CDK14: variants seen among roughly 807,000 people sequenced by gnomAD.
The protein encoded by CDK14 is cyclin-dependent kinase 14.
In CDK14, 34 loss-of-function variants were observed where a neutral mutation model predicts 60.7. The ratio of observed to expected loss-of-function variants is 0.56; its 90% CI spans 0.43 to 0.75. The LOEUF is 0.75. Ranked by LOEUF, CDK14 falls within the 30% of genes least tolerant of loss-of-function variation. CDK14 has a pLI of 0.00. For missense variants in CDK14, 482 were observed against 564.1 expected (o/e 0.85, Z 1.47); for synonymous variants, 197 against 203.7 (o/e 0.97, Z 0.28).
intron 4 of CDK14, among the ~76,000 whole-genome samples, chr7:90,788,835 G>A (rs1289589575): frequency 6.6e-6 from 1 of 152,188 alleles, no homozygotes; most frequent in African/African-American, 2.4e-5. Context: ...AACCTCTAGA[G>A]ATTTTTGGTA....
chr7:91,144,357 T>C (rs1800559166), intron 14 of CDK14, among the ~76,000 whole-genome samples: 1 of 152,260 alleles, frequency 6.6e-6, no homozygotes, highest in Non-Finnish European at 1.5e-5. Flanking sequence ...ACAGTTGGTC[T>C]GAAAACATTT....
chr7:90,741,910 T>C (rs989863044), intron 3 of CDK14, among the ~76,000 whole-genome samples: 7 of 152,132 alleles, frequency 4.6e-5, no homozygotes, highest in Non-Finnish European at 8.8e-5. Context: ...TTTTAAAAAT[T>C]GTTTTTCAGG....
intron 8 of CDK14, among the ~76,000 whole-genome samples, chr7:90,932,606 G>T (rs1477056918): frequency 6.6e-6 from 1 of 152,200 alleles, no homozygotes; most frequent in African/African-American, 2.4e-5. Flanking sequence ...TGGAACATAA[G>T]TTGGGGAAAT....
intron 12 of CDK14, among the ~76,000 whole-genome samples, chr7:91,089,964 G>A (rs1394734297): frequency 6.6e-6 from 1 of 152,126 alleles, no homozygotes; most frequent in African/African-American, 2.4e-5. Context: ...GTAGTCAAGT[G>A]GGACTTTACC....
At chr7:91,015,521 G>GTTTTTTTTTTTTTTTT (rs10710645) in intron 10 of CDK14, among the ~76,000 whole-genome samples, 2 of 77,662 alleles carry the variant, frequency 2.6e-5, no homozygotes, top group Non-Finnish European at 4.7e-5. Flanking sequence ...TATGTCTTGG[G>GTTTTTTTTTTTTTTTT]TTTTTTTTTT....
intron 8 of CDK14, among the ~76,000 whole-genome samples, chr7:90,947,042 C>T (rs1378113415): frequency 6.6e-6 from 1 of 152,182 alleles, no homozygotes; most frequent in Non-Finnish European, 1.5e-5. Flanking sequence ...CTTGAAGTTT[C>T]CTGAGCTTTT....
At chr7:91,172,654 T>G (rs1801561447) in intron 14 of CDK14, among the ~76,000 whole-genome samples, 1 of 152,148 alleles carries the variant, frequency 6.6e-6, no homozygotes, top group Non-Finnish European at 1.5e-5. Context: ...TAAAACCCAC[T>G]CTGTGTTCCC....
chr7:90,765,602 GTT>G (rs71104490), intron 4 of CDK14, among the ~76,000 whole-genome samples: 1 of 146,514 alleles, frequency 6.8e-6, no homozygotes, highest in African/African-American at 2.5e-5. Flanking sequence ...AACTAGGAAG[GTT>G]TTTTTTTTTT....
At position 90,954,998 on chromosome 7, in the gene CDK14, A is replaced by T. The variant is rs915663861; in HGVS notation, c.827-699A>T. Among the ~76,000 whole-genome samples, 4 of 151,754 alleles carry T rather than the reference A, an allele frequency of 2.6e-5. No homozygotes were observed. The South Asian group carries it at 8.3e-4, about 31-fold the overall frequency. On this transcript the variant is annotated intron_variant, in intron 8 of 14. Transcript: ENST00000380050. Reference sequence around the variant, plus strand: ...CTGTGCATGAGTATTTATGGTTATGAGGTCAAATTGCGTATACCTTTTCAC... The same window carrying T: ...CTGTGCATGAGTATTTATGGTTATGTGGTCAAATTGCGTATACCTTTTCAC...
chr7:91,019,846 C>G (rs1796391411), intron 10 of CDK14, among the ~76,000 whole-genome samples: 1 of 152,140 alleles, frequency 6.6e-6, no homozygotes, highest in African/African-American at 2.4e-5. Flanking sequence ...AGGCCTCTGG[C>G]AGAACAGAAA....
intron 2 of CDK14, chr7:90,709,643 A>AT: frequency 6.2e-7 from 1 of 1,606,110 alleles, no homozygotes; most frequent in Non-Finnish European, 8.5e-7. Flanking sequence ...AAAAAATTAG[A>AT]TTTTTTGGAG....
intron 2 of CDK14, among the ~76,000 whole-genome samples, chr7:90,685,394 T>C (rs1442214175): frequency 6.6e-6 from 1 of 152,180 alleles, no homozygotes; most frequent in African/African-American, 2.4e-5. Context: ...CAGTTAGTCT[T>C]CCAGTAAACA....
intron 2 of CDK14, among the ~76,000 whole-genome samples, chr7:90,622,923 C>CT (rs1245736325): frequency 0.17 from 22,253 of 130,216 alleles, 1,888 homozygotes; most frequent in Middle Eastern, 0.28. Context: ...CTTTTTTTTT[C>CT]TTTTTTTTTT....
At chr7:90,993,818 A>G (rs1795604630) in intron 10 of CDK14, among the ~76,000 whole-genome samples, 2 of 152,088 alleles carry the variant, frequency 1.3e-5, no homozygotes, top group Non-Finnish European at 2.9e-5. Context: ...GTGATTTGTG[A>G]TAGTTTATTT....
intron 9 of CDK14, among the ~76,000 whole-genome samples, chr7:90,963,083 A>G (rs975607129): frequency 5.8e-5 from 3 of 51,546 alleles, no homozygotes; most frequent in African/African-American, 7.8e-5. Flanking sequence ...TTCTCATCTT[A>G]AGAGTGTGTG....
At chr7:90,709,629 G>C (rs764160880) in intron 2 of CDK14, 1 of 1,591,464 alleles carries the variant, frequency 6.3e-7, no homozygotes, top group Non-Finnish European at 8.6e-7. Context: ...ATCGTGTTTG[G>C]AAAAAAAAAT....
intron 2 of CDK14, among the ~76,000 whole-genome samples, chr7:90,713,860 T>C (rs73220695): frequency 0.099 from 15,014 of 152,096 alleles, 814 homozygotes; most frequent in Non-Finnish European, 0.12. Flanking sequence ...AATTCATGTG[T>C]GCCTCAATGT....
At chr7:90,609,186 G>A (rs1799484633) in intron 2 of CDK14, among the ~76,000 whole-genome samples, 1 of 151,926 alleles carries the variant, frequency 6.6e-6, no homozygotes, top group South Asian at 2.1e-4. Flanking sequence ...ACCACCACCT[G>A]GCTAATTTTT....
intron 8 of CDK14, among the ~76,000 whole-genome samples, chr7:90,940,354 G>T (rs566450791): frequency 3.3e-5 from 5 of 152,056 alleles, no homozygotes; most frequent in African/African-American, 4.8e-5. Flanking sequence ...AGTACATAGC[G>T]ATTTATTGGC....
Sources: allele counts gnomAD v4.1 joint callset (sites outside exome capture counted in the v4.1 genomes callset), GRCh38; gene constraint gnomAD v4.1.1; transcripts MANE v1.5; gene names NCBI Gene and HGNC (gene_info 2026-07-23, HGNC 2026-07-21).